The following GLRA2 variants were observed in gnomAD, a reference collection of about 807,000 sequenced individuals.
GLRA2 encodes the protein glycine receptor alpha 2.
A neutral mutation model predicts 31.6 loss-of-function variants in GLRA2; 11 were observed. That is an observed-to-expected ratio of 0.35 (90% CI 0.22 to 0.58). The LOEUF is 0.58. Ranked by LOEUF, GLRA2 falls within the 20% of genes least tolerant of loss-of-function variation. GLRA2 has a pLI of 0.84. For missense variants in GLRA2, 212 were observed against 351.8 expected, an observed-to-expected ratio of 0.60 and a Z score of 3.18; for synonymous variants, 132 against 134.0, an observed-to-expected ratio of 0.99 and a Z score of 0.10.
chrX:14,608,978 T>G lies in GLRA2; in HGVS notation c.716-13T>G, dbSNP rs755279571. On this transcript the variant is annotated splice_polypyrimidine_tract_variant and intron_variant, in intron 6 of 8. Coordinates refer to ENST00000218075, the MANE Select transcript of GLRA2 (RefSeq NM_002063.4). ...TTCAGGCTGGACTTTAAATGATCAT[T>G]TCCTCCTTCTAGGAAAGTTTACCTG... 3 of 850,853 alleles carry G rather than the reference T, an allele frequency of 3.5e-6. No homozygotes were observed. The highest frequency in any genetic ancestry group is 2.2e-5 in the Admixed American group (1 of 44,452). The allele number at this position is 850,853 out of a possible 1,213,427, so 70.1% of individuals were successfully genotyped here. A position where few individuals can be genotyped will look rare whatever the true frequency, so the allele number is the denominator to read the frequency against.
At chrX:14,616,377 A>G (rs986981392) in intron 7 of GLRA2, among the ~76,000 whole-genome samples, 1 of 111,155 alleles carries the variant, frequency 9.0e-6, no homozygotes, top group Admixed American at 9.6e-5. Flanking sequence ...CTTTGAAGCA[A>G]GGATCCAGAG....
chrX:14,583,917 A>G (rs1244178313), intron 4 of GLRA2, among the ~76,000 whole-genome samples: 1 of 111,823 alleles, frequency 8.9e-6, no homozygotes, highest in Non-Finnish European at 1.9e-5. Context: ...TTCAGTGAAT[A>G]GTATAGAATA....
intron 7 of GLRA2, among the ~76,000 whole-genome samples, chrX:14,655,262 T>A: frequency 9.0e-6 from 1 of 111,352 alleles, no homozygotes; most frequent in Non-Finnish European, 1.9e-5. Flanking sequence ...ATTCTGCAAA[T>A]ATGGAGAAGT....
intron 4 of GLRA2, among the ~76,000 whole-genome samples, chrX:14,601,153 T>C (rs1174374456): frequency 2.7e-5 from 3 of 111,574 alleles, no homozygotes; most frequent in African/African-American, 9.7e-5. Flanking sequence ...TGTATATCTA[T>C]AGCTATATCT....
intron 2 of GLRA2, among the ~76,000 whole-genome samples, chrX:14,536,959 C>T (rs1392285543): frequency 9.0e-6 from 1 of 111,403 alleles, no homozygotes; most frequent in Non-Finnish European, 1.9e-5. Context: ...TGAAAGCAGT[C>T]ATTTTAAAAT....
At chrX:14,670,576 A>G (rs914820611) in intron 7 of GLRA2, among the ~76,000 whole-genome samples, 9 of 111,552 alleles carry the variant, frequency 8.1e-5, no homozygotes, top group Non-Finnish European at 1.7e-4. Context: ...GGCAGCAGGC[A>G]AAAGAGAGCT....
intron 8 of GLRA2, among the ~76,000 whole-genome samples, chrX:14,692,450 G>A (rs960572971): frequency 2.7e-5 from 3 of 111,889 alleles, no homozygotes; most frequent in Non-Finnish European, 3.8e-5. Context: ...TGCTGCAACT[G>A]TCTATTGGTC....
At chrX:14,566,372 G>C (rs1186427313) in intron 2 of GLRA2, among the ~76,000 whole-genome samples, 1 of 111,924 alleles carries the variant, frequency 8.9e-6, no homozygotes, top group East Asian at 2.8e-4. Flanking sequence ...ACATTTTAAA[G>C]AAAAATTAAC....
intron 7 of GLRA2, among the ~76,000 whole-genome samples, chrX:14,688,890 G>A (rs759169965): frequency 2.4e-4 from 27 of 111,516 alleles, no homozygotes; most frequent in African/African-American, 6.5e-4. Flanking sequence ...CTTCTGCGTC[G>A]CTCAGGCTGG....
At chrX:14,547,041 A>T (rs186354081) in intron 2 of GLRA2, among the ~76,000 whole-genome samples, 10 of 111,803 alleles carry the variant, frequency 8.9e-5, no homozygotes, top group Non-Finnish European at 1.5e-4. Flanking sequence ...TCCATCAGTG[A>T]CATCATGTAA....
chrX:14,685,334 A>T (rs2091263936), intron 7 of GLRA2, among the ~76,000 whole-genome samples: 1 of 111,929 alleles, frequency 8.9e-6, no homozygotes, highest in Admixed American at 9.5e-5. Flanking sequence ...GCCTCATAAA[A>T]TGACTTAGGG....
chrX:14,661,565 A>G (rs1184469945), intron 7 of GLRA2, among the ~76,000 whole-genome samples: 3 of 112,166 alleles, frequency 2.7e-5, no homozygotes, highest in African/African-American at 6.5e-5. Context: ...TAACTTTATT[A>G]TAGCTTAATT....
At chrX:14,594,051 G>T (rs2090173872) in intron 4 of GLRA2, among the ~76,000 whole-genome samples, 1 of 112,057 alleles carries the variant, frequency 8.9e-6, no homozygotes, top group Non-Finnish European at 1.9e-5. Flanking sequence ...CAACTGACCA[G>T]AACTCCATTC....
At chrX:14,714,194 G>A (rs1196019205) in intron 8 of GLRA2, among the ~76,000 whole-genome samples, 2 of 110,253 alleles carry the variant, frequency 1.8e-5, no homozygotes, top group Non-Finnish European at 3.8e-5. Flanking sequence ...GACTTTCCAC[G>A]TACACATTTA....
the GLRA2 span, among the ~76,000 whole-genome samples, chrX:14,448,994 C>G: frequency 9.0e-6 from 1 of 111,625 alleles, no homozygotes; most frequent in Non-Finnish European, 1.9e-5. Context: ...CTGCCTACCC[C>G]GCCACCCCAC....
At chrX:14,665,103 T>C (rs913991149) in intron 7 of GLRA2, among the ~76,000 whole-genome samples, 4 of 112,173 alleles carry the variant, frequency 3.6e-5, no homozygotes, top group African/African-American at 1.3e-4. Context: ...CTTCAATGTT[T>C]AGAAACTTCC....
At chrX:14,629,690 A>G (rs1012349264) in intron 7 of GLRA2, among the ~76,000 whole-genome samples, 1 of 110,730 alleles carries the variant, frequency 9.0e-6, no homozygotes, top group African/African-American at 3.3e-5. Context: ...CTTCTTTTGG[A>G]TATCGTATTT....
chrX:14,493,490 C>A, the GLRA2 span, among the ~76,000 whole-genome samples: 1 of 105,210 alleles, frequency 9.5e-6, no homozygotes, highest in African/African-American at 3.4e-5. Context: ...AAAACAGTGT[C>A]TGCTAAGGCT....
At chrX:14,490,880 G>A in the GLRA2 span, among the ~76,000 whole-genome samples, 1 of 111,538 alleles carries the variant, frequency 9.0e-6, no homozygotes, top group African/African-American at 3.3e-5. Flanking sequence ...AAATTGATAT[G>A]ACCAGCTTCA....
Sources: allele counts gnomAD v4.1 joint callset (sites outside exome capture counted in the v4.1 genomes callset), GRCh38; gene constraint gnomAD v4.1.1; transcripts MANE v1.5; gene names NCBI Gene and HGNC (gene_info 2026-07-23, HGNC 2026-07-21).